Variants in PRSS12 observed in about 807,000 individuals in gnomAD.
The protein encoded by PRSS12 is neurotrypsin.
PRSS12 carries 85 observed loss-of-function variants against 104.4 expected under a neutral mutation model. The observed-to-expected ratio is 0.81, with a 90% CI of 0.68 to 0.98. The LOEUF is 0.98. Among genes scored for constraint, PRSS12 ranks in the 50% least tolerant of loss-of-function variants. The pLI is 0.00. For missense variants in PRSS12, 1,141 were observed against 1,139.2 expected (o/e 1.00, Z -0.02); for synonymous variants, 454 against 425.2 (o/e 1.07, Z -0.83).
chr4:118,329,408 A>G (rs1723862874), intron 4 of PRSS12, among the ~76,000 whole-genome samples: 1 of 152,192 alleles, frequency 6.6e-6, no homozygotes, highest in Admixed American at 6.5e-5. Flanking sequence ...ATACCCTAAA[A>G]GTTCTTAATA....
chr4:118,282,466 TAATG>T (rs921733524), intron 12 of PRSS12, among the ~76,000 whole-genome samples: 1 of 152,234 alleles, frequency 6.6e-6, no homozygotes, highest in Non-Finnish European at 1.5e-5. Context: ...GTCTGAGGAA[TAATG>T]AATAACATTT....
chr4:118,313,428 A>T, intron 6 of PRSS12, 31 bp from the exon 7 acceptor site: 3 of 1,608,172 alleles, frequency 1.9e-6, no homozygotes, highest in Non-Finnish European at 2.6e-6. Context: ...CTGTGTATAG[A>T]ACTTCTGTCT....
intron 11 of PRSS12, among the ~76,000 whole-genome samples, chr4:118,284,146 T>C (rs928376707): frequency 2.0e-5 from 3 of 152,196 alleles, no homozygotes; most frequent in Admixed American, 6.5e-5. Flanking sequence ...TAATTATCTG[T>C]TGTGAGGGCT....
At chr4:118,327,943 T>C (rs1723818937) in intron 4 of PRSS12, among the ~76,000 whole-genome samples, 1 of 152,234 alleles carries the variant, frequency 6.6e-6, no homozygotes, top group African/African-American at 2.4e-5. Flanking sequence ...TGACAGCATC[T>C]CATAAATAAA....
At chr4:118,288,871 T>A (rs1743067389) in intron 11 of PRSS12, among the ~76,000 whole-genome samples, 1 of 152,216 alleles carries the variant, frequency 6.6e-6, no homozygotes, top group Non-Finnish European at 1.5e-5. Flanking sequence ...GGCTACTGCA[T>A]TCCATGTGTA....
chr4:118,321,130 C>T (rs968766845), intron 4 of PRSS12, among the ~76,000 whole-genome samples: 1 of 152,064 alleles, frequency 6.6e-6, no homozygotes, highest in Non-Finnish European at 1.5e-5. Context: ...AGTCCTAACA[C>T]AAAGGAATCC....
intron 1 of PRSS12, among the ~76,000 whole-genome samples, chr4:118,345,341 G>A (rs1334230207): frequency 6.6e-6 from 1 of 152,112 alleles, no homozygotes; most frequent in Admixed American, 6.5e-5. Flanking sequence ...AGAAGGAGGA[G>A]GAGGGGAAGA....
chr4:118,283,278 C>A (rs1279435074), intron 11 of PRSS12, among the ~76,000 whole-genome samples, 167 bp from the exon 12 acceptor site: 2 of 152,224 alleles, frequency 1.3e-5, no homozygotes, highest in African/African-American at 4.8e-5. Context: ...TCCTCTACTG[C>A]AAACCCATTG....
chr4:118,308,386 A>C, intron 8 of PRSS12, 50 bp downstream of exon 8: 1 of 1,611,302 alleles, frequency 6.2e-7, no homozygotes, highest in Non-Finnish European at 8.5e-7. Flanking sequence ...GCATTTAAAA[A>C]TTCAGATATG....
intron 4 of PRSS12, among the ~76,000 whole-genome samples, chr4:118,319,999 A>T (rs1723566109): frequency 6.6e-6 from 1 of 152,074 alleles, no homozygotes; most frequent in East Asian, 1.9e-4. Flanking sequence ...TCTAACAAAA[A>T]CATCTCTTTA....
At chr4:118,348,149 A>G (rs1724403486) in intron 1 of PRSS12, among the ~76,000 whole-genome samples, 2 of 152,194 alleles carry the variant, frequency 1.3e-5, no homozygotes, top group Non-Finnish European at 2.9e-5. Flanking sequence ...GAATTGCTTG[A>G]TCCTGAGAGG....
At chr4:118,318,594 T>C (rs780546323) in intron 4 of PRSS12, 38 bp from the exon 5 acceptor site, 39 of 1,592,734 alleles carry the variant, frequency 2.4e-5, no homozygotes, top group Non-Finnish European at 3.2e-5. Context: ...CTGGATTAGA[T>C]ACCAAAGATT....
At position 118,335,584 on chromosome 4, in the gene PRSS12, C is replaced by T; in HGVS notation, c.709G>A (p.Val237Ile). 1 of 1,614,050 alleles carries T rather than the reference C, an allele frequency of 6.2e-7. No homozygotes were observed. Among genetic ancestry groups the T allele is most frequent in the Non-Finnish European group, 8.5e-7 (1 of 1,179,958 alleles). The change falls in exon 3 of 13, where the codon GTC becomes ATC. Residue 237 changes from valine (V) to isoleucine (I), a missense_variant. Transcript: ENST00000296498. Reference sequence around the variant, plus strand: ...TTTTCTTCATCTCCTCGGCAACGGACATTGCTCCAATAAATGGGAATAAGG... The same window carrying T: ...TTTTCTTCATCTCCTCGGCAACGGATATTGCTCCAATAAATGGGAATAAGG... The part of the protein sequence containing the change: ...LGLIPIYWSN[V>I]RCRGDEENIL...
At chr4:118,301,527 C>T (rs1259451489) in intron 8 of PRSS12, among the ~76,000 whole-genome samples, 1 of 151,936 alleles carries the variant, frequency 6.6e-6, no homozygotes, top group Non-Finnish European at 1.5e-5. Context: ...CCCATATGCA[C>T]ACCAAGAAAA....
chr4:118,342,390 A>T (rs1724237059), intron 1 of PRSS12, among the ~76,000 whole-genome samples: 1 of 152,150 alleles, frequency 6.6e-6, no homozygotes, highest in South Asian at 2.1e-4. Flanking sequence ...GCAACCAACC[A>T]TTCTTCGATA....
intron 11 of PRSS12, among the ~76,000 whole-genome samples, chr4:118,291,031 A>G (rs550821007): frequency 6.6e-6 from 1 of 152,128 alleles, no homozygotes; most frequent in African/African-American, 2.4e-5. Flanking sequence ...TTTTAATATA[A>G]TGTCAAGCCC....
intron 11 of PRSS12, among the ~76,000 whole-genome samples, chr4:118,291,757 T>C (rs1743133125): frequency 6.6e-6 from 1 of 152,130 alleles, no homozygotes; most frequent in African/African-American, 2.4e-5. Flanking sequence ...ACACCATTCG[T>C]CAGTGCTACC....
At chr4:118,350,490 AT>A (rs554126317) in intron 1 of PRSS12, among the ~76,000 whole-genome samples, 1 of 152,104 alleles carries the variant, frequency 6.6e-6, no homozygotes, top group African/African-American at 2.4e-5. Flanking sequence ...TCGTTTTCCT[AT>A]TTTTTTGTGG....
intron 1 of PRSS12, among the ~76,000 whole-genome samples, chr4:118,339,949 C>T (rs1161725672): frequency 5.3e-5 from 8 of 152,084 alleles, no homozygotes; most frequent in African/African-American, 1.9e-4. Flanking sequence ...CCCTTAATCA[C>T]GAAGTTACTC....
Sources: gnomAD v4.1 joint callset for allele counts (sites outside exome capture counted in the v4.1 genomes callset) on GRCh38, gnomAD v4.1.1 for gene constraint, MANE v1.5 for transcripts, NCBI Gene and HGNC (gene_info 2026-07-23, HGNC 2026-07-21) for gene names.